RCAN3: variants seen among roughly 807,000 people sequenced by gnomAD.
The protein encoded by RCAN3 is calcipressin-3.
In RCAN3, 19 loss-of-function variants were observed where a neutral mutation model predicts 21.9. The observed-to-expected ratio is 0.87, with a 90% CI of 0.61 to 1.27. The LOEUF (loss-of-function observed/expected upper bound fraction) is 1.27. RCAN3 is among the 50% of genes most tolerant of loss of function. The pLI is 0.00. For missense variants in RCAN3, 240 were observed against 300.1 expected (o/e 0.80, Z 1.48); for synonymous variants, 114 against 112.3 (o/e 1.01, Z -0.09).
At chr1:24,509,109 C>T (rs757113685) in intron 1 of RCAN3, among the ~76,000 whole-genome samples, 1 of 152,128 alleles carries the variant, frequency 6.6e-6, no homozygotes, top group Non-Finnish European at 1.5e-5. Context: ...CTACAGTGAA[C>T]ATGATCACGC....
At chr1:24,516,646 T>C (rs60600486) in intron 2 of RCAN3, among the ~76,000 whole-genome samples, 4,044 of 152,180 alleles carry the variant, frequency 0.027, 80 homozygotes, top group African/African-American at 0.05. Flanking sequence ...AGCTTGTCCT[T>C]TTGTGGGAAA....
chr1:24,522,947 C>T (rs9424381), intron 2 of RCAN3, among the ~76,000 whole-genome samples: 10,595 of 152,136 alleles, frequency 0.07, 1,177 homozygotes, highest in African/African-American at 0.23. Flanking sequence ...TCATTTTCCA[C>T]GAAATCTGTA....
At chr1:24,511,130 G>C (rs528485839) in intron 1 of RCAN3, among the ~76,000 whole-genome samples, 2 of 152,218 alleles carry the variant, frequency 1.3e-5, no homozygotes, top group East Asian at 1.9e-4. Flanking sequence ...TGGCCAACAT[G>C]GTGAAACCCT....
At position 24,533,162 on chromosome 1, in the gene RCAN3, C is replaced by T. The variant is rs1649930417; in HGVS notation, c.449C>T (p.Pro150Leu). The T allele has an allele frequency of 7.5e-6, 12 of 1,606,204 alleles. No individual in the cohort carries two copies. Among genetic ancestry groups the T allele is most frequent in the Non-Finnish European group, 1.0e-5 (12 of 1,177,496 alleles). The change falls in exon 4 of 5, where the codon CCA becomes CTA. Residue 150 changes from proline to leucine, a missense_variant. Transcript: ENST00000374395. ...QPVKQFLISP[P>L]ASPPVGWKQS... ...GTCAAGCAGTTCCTCATCTCCCCTC[C>T]AGCCTCTCCCCCGGTGGGGTGGAAG... is the stretch of plus-strand genomic sequence containing the variant.
At chr1:24,520,019 G>A (rs547875076) in intron 2 of RCAN3, among the ~76,000 whole-genome samples, 2 of 152,330 alleles carry the variant, frequency 1.3e-5, no homozygotes, top group South Asian at 4.1e-4. Context: ...TGGAAGCTGA[G>A]TGAAGTGATC....
intron 2 of RCAN3, among the ~76,000 whole-genome samples, chr1:24,522,291 G>C (rs1189367934): frequency 2.0e-5 from 3 of 152,134 alleles, no homozygotes; most frequent in Non-Finnish European, 4.4e-5. Flanking sequence ...GTGCAGGTGT[G>C]ACCTCACACC....
rs1367312646 is a variant in RCAN3, at chr1:24,514,522, T to C, written c.150T>C (p.Phe50=). The change falls in exon 2 of 5, where the codon TTT becomes TTC. Residue 50 remains phenylalanine (F), a synonymous_variant. Coordinates refer to ENST00000374395, the MANE Select transcript of RCAN3 (RefSeq NM_013441.4). ...MDLSDLPTSL[F]ACSVHEAVFE... ...TAAGTGATCTGCCTACCTCACTTTT[T>C]GCTTGCAGCGTCCATGAAGCAGTGT... 2 of 1,614,214 alleles carry C rather than the reference T, an allele frequency of 1.2e-6. No homozygotes were observed. Among genetic ancestry groups the C allele is most frequent in the South Asian group, 2.2e-5 (2 of 91,084 alleles).
chr1:24,512,203 C>T (rs1200051779), intron 1 of RCAN3, among the ~76,000 whole-genome samples: 1 of 151,808 alleles, frequency 6.6e-6, no homozygotes, highest in East Asian at 1.9e-4. Flanking sequence ...ACAAAAATTA[C>T]CCGGGCATGG....
At chr1:24,520,417 A>G (rs1648690769) in intron 2 of RCAN3, among the ~76,000 whole-genome samples, 1 of 152,154 alleles carries the variant, frequency 6.6e-6, no homozygotes. Context: ...AGGCACAAAT[A>G]AAGGGGAAGA....
intron 2 of RCAN3, among the ~76,000 whole-genome samples, chr1:24,530,096 T>C (rs1649628971): frequency 6.6e-6 from 1 of 151,420 alleles, no homozygotes. Context: ...CTCATACCTA[T>C]AATCCCAGCA....
At position 24,516,345 on chromosome 1, in the gene RCAN3, G is replaced by A. The variant is rs544419808; in HGVS notation, c.195+1778G>A. 6.6e-5 allele frequency among the ~76,000 whole-genome samples: 10 copies of A among 152,194 alleles called. No individual in the cohort carries two copies. The South Asian group carries it at 2.1e-3, about 32-fold the overall frequency. On this transcript the variant is annotated intron_variant, in intron 2 of 4. Transcript: ENST00000374395. ...TAATTTAAATAGTGCGTTGAGGTAA[G>A]AAAGGAGGAAGGATCACAGCCAGTT...
chr1:24,523,924 C>A (rs2148904602), intron 2 of RCAN3, among the ~76,000 whole-genome samples: 1 of 152,208 alleles, frequency 6.6e-6, no homozygotes, highest in African/African-American at 2.4e-5. Flanking sequence ...TATTTTACAT[C>A]ATTTAAAATT....
chr1:24,527,142 A>G (rs1166514023), intron 2 of RCAN3, among the ~76,000 whole-genome samples: 2 of 151,930 alleles, frequency 1.3e-5, no homozygotes, highest in African/African-American at 4.8e-5. Flanking sequence ...AGCAATTCTC[A>G]TGTCTCAGCC....
chr1:24,505,918 A>G (rs943504036), intron 1 of RCAN3, among the ~76,000 whole-genome samples: 1 of 152,212 alleles, frequency 6.6e-6, no homozygotes, highest in African/African-American at 2.4e-5. Context: ...GATCCATGCC[A>G]TGTGCTTGAC....
Position 24,525,555 on chromosome 1 carries a change from A to G in RCAN3, c.196-5663A>G, listed in dbSNP as rs1196121659. Among the ~76,000 whole-genome samples, 4 of 152,214 alleles carry G rather than the reference A, an allele frequency of 2.6e-5. No individual in the cohort carries two copies. The highest frequency in any genetic ancestry group is 1.3e-4 in the Admixed American group (2 of 15,280). On this transcript the variant is annotated intron_variant, in intron 2 of 4. Transcript: ENST00000374395. This position sits in a 1 kb window ranked among gnomAD's most constrained non-coding sequence, Gnocchi z 4.1. ...TTTTTATTTTAATGGAATCCCCATT[A>G]TCTTTTCTCAAATAAATATGCGGCC...
In RCAN3 at chr1:24,514,478, T is replaced by G. The variant is rs1028894642; in HGVS notation, c.106T>G (p.Leu36Val). Reference sequence around the variant, plus strand: ...GATTTTTGGTGAAAATGAAGATGATTTGGATGAGATGATGGATTTAAGTGA... The same window carrying G: ...GATTTTTGGTGAAAATGAAGATGATGTGGATGAGATGATGGATTTAAGTGA... ...EMIFGENEDD[L>V]DEMMDLSDLP... The change falls in exon 2 of 5, where the codon TTG becomes GTG. Residue 36 changes from leucine to valine, a missense_variant. Transcript: ENST00000374395. 1 of 1,613,926 alleles carries G rather than the reference T, an allele frequency of 6.2e-7. No homozygotes were observed. Among genetic ancestry groups the G allele is most frequent in the Non-Finnish European group, 8.5e-7 (1 of 1,179,990 alleles).
chr1:24,519,552 C>T (rs187537701), intron 2 of RCAN3, among the ~76,000 whole-genome samples: 1 of 152,248 alleles, frequency 6.6e-6, no homozygotes, highest in African/African-American at 2.4e-5. Context: ...ATCTAGTCCC[C>T]TTGCAAAGTA....
chr1:24,511,839 G>T (rs992976680), intron 1 of RCAN3, among the ~76,000 whole-genome samples: 50 of 152,314 alleles, frequency 3.3e-4, no homozygotes, highest in African/African-American at 1.1e-3. Context: ...TGGGATGCCT[G>T]TTGGGAAGCC....
intron 2 of RCAN3, among the ~76,000 whole-genome samples, chr1:24,521,803 G>T (rs987989547): frequency 1.3e-5 from 2 of 151,910 alleles, no homozygotes; most frequent in African/African-American, 4.8e-5. Context: ...AGCTGAGATC[G>T]TGCCATTGTA....
Sources: allele counts gnomAD v4.1 joint callset (sites outside exome capture counted in the v4.1 genomes callset), GRCh38; gene constraint gnomAD v4.1.1; non-coding constraint Gnocchi (gnomAD v3.1); transcripts MANE v1.5; gene names NCBI Gene and HGNC (gene_info 2026-07-23, HGNC 2026-07-21).